KNTC1: variants seen among roughly 807,000 people sequenced by gnomAD.
KNTC1 encodes the protein kinetochore-associated protein 1.
A neutral mutation model predicts 314.4 loss-of-function variants in KNTC1; 253 were observed. The ratio of observed to expected loss-of-function variants is 0.80; its 90% CI spans 0.73 to 0.89. The LOEUF (loss-of-function observed/expected upper bound fraction) is 0.89. KNTC1 is among the 40% of genes least tolerant of loss of function. The pLI is 0.00. For missense variants in KNTC1, 2,475 were observed against 2,572.9 expected (o/e 0.96, Z 0.82); for synonymous variants, 901 against 901.4 (o/e 1.00, Z 0.01).
chr12:122,529,760 C>G (rs116569540), intron 1 of KNTC1, among the ~76,000 whole-genome samples: 1 of 152,142 alleles, frequency 6.6e-6, no homozygotes, highest in African/African-American at 2.4e-5. Flanking sequence ...AATGGAAGCT[C>G]TAAGATACAT....
chr12:122,538,209 CAT>C, intron 3 of KNTC1, 128 bp from the exon 4 acceptor site: 1 of 599,418 alleles, frequency 1.7e-6, no homozygotes, highest in Non-Finnish European at 3.0e-6. Flanking sequence ...ACTTTCATCA[CAT>C]CTGTTTTGCA....
chr12:122,567,999 T>C (rs1021812462), intron 20 of KNTC1, among the ~76,000 whole-genome samples: 1 of 152,150 alleles, frequency 6.6e-6, no homozygotes, highest in Non-Finnish European at 1.5e-5. Context: ...AAAATAGTTA[T>C]TTCTACGTGT....
chr12:122,610,462 A>G (rs1478559815), intron 52 of KNTC1, among the ~76,000 whole-genome samples: 1 of 152,180 alleles, frequency 6.6e-6, no homozygotes, highest in Non-Finnish European at 1.5e-5. Flanking sequence ...GGCTGCTAAC[A>G]AGGTCCTGCA....
chr12:122,543,760 A>G (rs1481627070), intron 7 of KNTC1, 126 bp downstream of exon 7: 1 of 622,464 alleles, frequency 1.6e-6, no homozygotes, highest in Non-Finnish European at 2.7e-6. Context: ...TAACATTTTA[A>G]TAACATTTCT....
At chr12:122,580,302 C>T (rs939840987) in intron 32 of KNTC1, among the ~76,000 whole-genome samples, 1 of 152,030 alleles carries the variant, frequency 6.6e-6, no homozygotes, top group African/African-American at 2.4e-5. Context: ...AGCCATTTGA[C>T]TGGAAGTTAA....
At chr12:122,561,820 A>C (rs1963994338) in intron 18 of KNTC1, 101 bp from the exon 19 acceptor site, 2 of 925,446 alleles carry the variant, frequency 2.2e-6, no homozygotes, top group East Asian at 5.2e-5. Flanking sequence ...CTTAAATGCA[A>C]TTTATTTAAA....
In KNTC1 at chr12:122,606,247, A is replaced by C. The variant is rs1872576432; in HGVS notation, c.5496+832A>C. Among the ~76,000 whole-genome samples the C allele has an allele frequency of 1.9e-5, 2 of 103,234 alleles. 1 individual carries two copies. The highest frequency in any genetic ancestry group is 2.5e-4 in the Admixed American group (2 of 7,990). The allele number at this position is 103,234 out of a possible 152,430, so 67.7% of individuals were successfully genotyped here. On this transcript the variant is annotated intron_variant, in intron 51 of 63. Transcript: ENST00000333479. ...CTTTTTTTTTTTTTTTTTTTTTTGGATACAGAGTCTTACTCTGTCATCCAG... is the reference window on the plus strand; with the variant it reads ...CTTTTTTTTTTTTTTTTTTTTTTGGCTACAGAGTCTTACTCTGTCATCCAG...
intron 7 of KNTC1, 149 bp downstream of exon 7, chr12:122,543,783 ATT>A: frequency 1.6e-6 from 1 of 609,340 alleles, no homozygotes; most frequent in Non-Finnish European, 2.7e-6. Flanking sequence ...TTAAAAATAC[ATT>A]TATGCCCGTA....
At chr12:122,609,898 G>A (rs962221180) in intron 52 of KNTC1, among the ~76,000 whole-genome samples, 2 of 152,186 alleles carry the variant, frequency 1.3e-5, no homozygotes, top group Non-Finnish European at 2.9e-5. Flanking sequence ...CTCTATCTGG[G>A]CTCAAGTCAG....
chr12:122,575,736 G>A, intron 28 of KNTC1, 64 bp from the exon 29 acceptor site: 2 of 1,496,006 alleles, frequency 1.3e-6, no homozygotes. Flanking sequence ...TATATTGTTT[G>A]CTGTGTCCCA....
chr12:122,599,690 T>C (rs1871568005), intron 44 of KNTC1, among the ~76,000 whole-genome samples: 1 of 152,196 alleles, frequency 6.6e-6, no homozygotes, highest in Non-Finnish European at 1.5e-5. Context: ...TATTTCAGTT[T>C]TATATTTTGC....
intron 43 of KNTC1, among the ~76,000 whole-genome samples, chr12:122,596,079 C>CTTTTT (rs1200717202): frequency 3.2e-4 from 36 of 111,394 alleles, no homozygotes; most frequent in African/African-American, 5.9e-4. Flanking sequence ...TAACCAGATT[C>CTTTTT]TTTTTTTTTT....
chr12:122,565,557 G>A (rs987378727), intron 20 of KNTC1, among the ~76,000 whole-genome samples: 1 of 148,750 alleles, frequency 6.7e-6, no homozygotes, highest in East Asian at 2.0e-4. Context: ...GTATTTTTAT[G>A]TCTGTTTGGA....
chr12:122,590,249 T>G (rs1460809202), intron 40 of KNTC1, among the ~76,000 whole-genome samples: 1 of 152,150 alleles, frequency 6.6e-6, no homozygotes, highest in African/African-American at 2.4e-5. Flanking sequence ...ATTTTTTGTA[T>G]TTAGGATTTA....
At chr12:122,577,497 T>C (rs1965107730) in intron 30 of KNTC1, among the ~76,000 whole-genome samples, 175 bp from the exon 31 acceptor site, 1 of 152,114 alleles carries the variant, frequency 6.6e-6, no homozygotes, top group African/African-American at 2.4e-5. Context: ...ACATGTACCC[T>C]GAAACTTAAA....
Position 122,626,112 on chromosome 12 carries a change from C to T in KNTC1, c.6607-93C>T. On this transcript the variant is annotated intron_variant, in intron 63 of 63. Coordinates refer to ENST00000333479, the MANE Select transcript of KNTC1 (RefSeq NM_014708.6). ...AATAGTTTGATATGTAGATTTGTATCACTTCACTTAAGTTCTGTAGTTTAT... is the reference window on the plus strand; with the variant it reads ...AATAGTTTGATATGTAGATTTGTATTACTTCACTTAAGTTCTGTAGTTTAT... The T allele has an allele frequency of 3.6e-6, 3 of 844,252 alleles. No homozygotes were observed. The South Asian group carries it at 4.5e-5, about 13-fold the overall frequency. 52.3% of individuals were successfully genotyped at this position (844,252 alleles called of 1,614,324 possible).
At chr12:122,567,982 AGAGT>A (rs1964454856) in intron 20 of KNTC1, among the ~76,000 whole-genome samples, 1 of 152,132 alleles carries the variant, frequency 6.6e-6, no homozygotes, top group Non-Finnish European at 1.5e-5. Context: ...AAAACAAACA[AGAGT>A]GAAAAATAGT....
chr12:122,530,545 G>A (rs750716169), intron 2 of KNTC1, among the ~76,000 whole-genome samples: 1 of 151,220 alleles, frequency 6.6e-6, no homozygotes, highest in Non-Finnish European at 1.5e-5. Flanking sequence ...CTGACTCCCA[G>A]ATTCAAGTGA....
intron 45 of KNTC1, 72 bp from the exon 46 acceptor site, chr12:122,602,497 C>T: frequency 1.1e-6 from 1 of 917,494 alleles, no homozygotes; most frequent in Non-Finnish European, 1.7e-6. Flanking sequence ...TGATGGTATA[C>T]TATTAGATGA....
Sources: allele counts gnomAD v4.1 joint callset (sites outside exome capture counted in the v4.1 genomes callset), GRCh38; gene constraint gnomAD v4.1.1; transcripts MANE v1.5; gene names NCBI Gene and HGNC (gene_info 2026-07-23, HGNC 2026-07-21).